The following WWOX variants were observed in gnomAD, a reference collection of about 807,000 sequenced individuals.
WWOX encodes WW domain-containing oxidoreductase.
A neutral mutation model predicts 46.2 loss-of-function variants in WWOX; 69 were observed. That is an observed-to-expected ratio of 1.49 (90% CI 1.23 to 1.82). The LOEUF is 1.82. WWOX is among the 40% of genes most tolerant of loss of function. The pLI is 0.00. For synonymous variants in WWOX, 359 were observed against 202.6 expected (o/e 1.77, Z -6.56); for missense variants, 919 against 542.6 (o/e 1.69, Z -6.89).
At chr16:78,651,799 A>G (rs1472817191) in intron 8 of WWOX, among the ~76,000 whole-genome samples, 1 of 152,220 alleles carries the variant, frequency 6.6e-6, no homozygotes, top group Non-Finnish European at 1.5e-5. Flanking sequence ...TTGGATGGGA[A>G]TCTGGCTTCT....
chr16:78,959,983 T>G (rs1211632081), intron 8 of WWOX, among the ~76,000 whole-genome samples: 1 of 152,194 alleles, frequency 6.6e-6, no homozygotes, highest in Non-Finnish European at 1.5e-5. Flanking sequence ...GGTGAGAGAC[T>G]TCTGGTTAAC....
At chr16:78,401,822 A>G (rs1380189914) in intron 6 of WWOX, among the ~76,000 whole-genome samples, 3 of 151,786 alleles carry the variant, frequency 2.0e-5, no homozygotes, top group African/African-American at 7.3e-5. Flanking sequence ...GCCTCAGCCT[A>G]CTGAGTAGCT....
In WWOX at chr16:79,113,596, C is replaced by T. The variant is rs2049457151; in HGVS notation, c.1057-98012C>T. 2.0e-5 allele frequency among the ~76,000 whole-genome samples: 3 copies of T among 152,216 alleles called. No homozygotes were observed. In the South Asian group the frequency reaches 6.2e-4, roughly 31 times the overall value. On this transcript the variant is annotated intron_variant, in intron 8 of 8. Transcript: ENST00000566780. The stretch of plus-strand genomic sequence containing the variant: ...TGGGTGGAATGAGCAATCCCTGTCG[C>T]CAAAGAAGGTCCCCAGCATAGCAGT...
At chr16:78,576,361 C>A (rs574428388) in intron 8 of WWOX, among the ~76,000 whole-genome samples, 4 of 152,180 alleles carry the variant, frequency 2.6e-5, no homozygotes, top group African/African-American at 9.7e-5. Flanking sequence ...GTTCACCTCC[C>A]AAAAGACATA....
chr16:78,725,042 C>A (rs777187805), intron 8 of WWOX, among the ~76,000 whole-genome samples: 1 of 152,050 alleles, frequency 6.6e-6, no homozygotes, highest in South Asian at 2.1e-4. Context: ...CCATAATTCC[C>A]ATATGTTGTG....
At chr16:78,385,162 A>ACACACACACACACACACACACAC (rs1567540757) in intron 5 of WWOX, among the ~76,000 whole-genome samples, 16 of 30,760 alleles carry the variant, frequency 5.2e-4, no homozygotes, top group African/African-American at 3.2e-3. Flanking sequence ...CACACACACA[A>ACACACACACACACACACACACAC]AAGCACAGGG....
At chr16:78,910,321 A>G (rs1376388066) in intron 8 of WWOX, among the ~76,000 whole-genome samples, 3 of 152,064 alleles carry the variant, frequency 2.0e-5, no homozygotes, top group African/African-American at 7.2e-5. Flanking sequence ...ATCTTCCAGC[A>G]TCTCTGATTG....
chr16:78,959,122 C>G (rs1348010139), intron 8 of WWOX, among the ~76,000 whole-genome samples: 1 of 152,120 alleles, frequency 6.6e-6, no homozygotes. Context: ...GAATGTTTAT[C>G]CGAACTTACC....
intron 8 of WWOX, among the ~76,000 whole-genome samples, chr16:78,740,854 A>G (rs2049205142): frequency 6.6e-6 from 1 of 152,108 alleles, no homozygotes; most frequent in East Asian, 1.9e-4. Context: ...CCTATGATAA[A>G]AAGAGTTGCC....
At chr16:78,178,714 A>G (rs568351009) in intron 5 of WWOX, among the ~76,000 whole-genome samples, 1 of 152,186 alleles carries the variant, frequency 6.6e-6, no homozygotes, top group East Asian at 1.9e-4. Flanking sequence ...AAATACAAAA[A>G]TTAGCCAGTT....
chr16:78,623,968 G>C (rs999245451), intron 8 of WWOX, among the ~76,000 whole-genome samples: 1 of 152,130 alleles, frequency 6.6e-6, no homozygotes, highest in African/African-American at 2.4e-5. Flanking sequence ...GGGACTTACT[G>C]AGGAGAAATG....
intron 8 of WWOX, among the ~76,000 whole-genome samples, chr16:79,194,564 C>A (rs1467812186): frequency 6.6e-6 from 1 of 152,110 alleles, no homozygotes; most frequent in African/African-American, 2.4e-5. Context: ...ACGTTACAGG[C>A]AGCAGTGTGG....
At chr16:78,684,517 C>A (rs1423368438) in intron 8 of WWOX, among the ~76,000 whole-genome samples, 1 of 152,124 alleles carries the variant, frequency 6.6e-6, no homozygotes, top group Non-Finnish European at 1.5e-5. Flanking sequence ...AGATTTATTA[C>A]GGGACCTGGA....
intron 8 of WWOX, among the ~76,000 whole-genome samples, chr16:79,011,959 C>A (rs1229062295): frequency 1.3e-5 from 2 of 152,174 alleles, no homozygotes; most frequent in African/African-American, 4.8e-5. Flanking sequence ...TGGCCTCTGT[C>A]AACTTCCTTA....
At chr16:78,327,764 C>T (rs966342238) in intron 5 of WWOX, among the ~76,000 whole-genome samples, 1 of 151,722 alleles carries the variant, frequency 6.6e-6, no homozygotes, top group Non-Finnish European at 1.5e-5. Flanking sequence ...ATTATTTAGT[C>T]TACAGTGGTT....
intron 8 of WWOX, among the ~76,000 whole-genome samples, chr16:79,118,286 G>T (rs980947824): frequency 3.9e-5 from 6 of 152,236 alleles, no homozygotes; most frequent in African/African-American, 1.4e-4. Context: ...GCTGGAGCCA[G>T]TGTGGTATTC....
chr16:78,243,238 A>G (rs1207023236), intron 5 of WWOX, among the ~76,000 whole-genome samples: 2 of 152,180 alleles, frequency 1.3e-5, no homozygotes, highest in East Asian at 3.9e-4. Context: ...ACAAGAGGTA[A>G]TAGTGTATCT....
chr16:78,427,089 G>T (rs139805456), intron 7 of WWOX, among the ~76,000 whole-genome samples: 3 of 152,188 alleles, frequency 2.0e-5, no homozygotes, highest in South Asian at 4.1e-4. Context: ...TAGGTGGTAC[G>T]TGAAGACAGT....
chr16:79,190,763 A>T (rs111509718), intron 8 of WWOX, among the ~76,000 whole-genome samples: 125 of 152,294 alleles, frequency 8.2e-4, no homozygotes, highest in African/African-American at 2.7e-3. Context: ...AGCCAGGTGC[A>T]TTTGTTTACC....
Sources: allele counts gnomAD v4.1 joint callset (sites outside exome capture counted in the v4.1 genomes callset), GRCh38; gene constraint gnomAD v4.1.1; transcripts MANE v1.5; gene names NCBI Gene and HGNC (gene_info 2026-07-23, HGNC 2026-07-21).